Variants in PRKCH observed in about 807,000 individuals in gnomAD.
PRKCH encodes the protein protein kinase C eta type.
PRKCH carries 28 observed loss-of-function variants against 82.5 expected under a neutral mutation model. The ratio of observed to expected loss-of-function variants is 0.34; its 90% CI spans 0.25 to 0.47. The LOEUF (loss-of-function observed/expected upper bound fraction) is 0.47. Ranked by LOEUF, PRKCH falls within the 20% of genes least tolerant of loss-of-function variation. PRKCH has a pLI of 1.00. For synonymous variants in PRKCH, 322 were observed against 327.4 expected (o/e 0.98, Z 0.18); for missense variants, 705 against 881.8 (o/e 0.80, Z 2.54).
intron 1 of PRKCH, among the ~76,000 whole-genome samples, chr14:61,327,533 G>T (rs540621397): frequency 5.4e-4 from 82 of 152,310 alleles, no homozygotes; most frequent in African/African-American, 1.8e-3. Flanking sequence ...GAAGAATTTT[G>T]CTACAGTGGG....
intron 2 of PRKCH, among the ~76,000 whole-genome samples, chr14:61,419,308 A>G (rs537662255): frequency 6.6e-6 from 1 of 152,318 alleles, no homozygotes; most frequent in Non-Finnish European, 1.5e-5. Flanking sequence ...AAGCAACAAA[A>G]TTCTTTCTTT....
chr14:61,266,787 A>T lies in PRKCH; in HGVS notation c.-19+79119A>T, dbSNP rs865774465. ...ATTTTATGCTAATAGAGGCCCTAAA[A>T]CTGATATAAGAATCTGTGTATGCTA... On this transcript the variant is annotated intron_variant, in intron 1 of 3. Coordinates refer to the PRKCH transcript ENST00000555185. Among the ~76,000 whole-genome samples the T allele has an allele frequency of 5.9e-5, 9 of 152,322 alleles. No homozygotes were observed. The Middle Eastern group carries it at 0.024, about 403-fold the overall frequency.
upstream of PRKCH, among the ~76,000 whole-genome samples, chr14:61,320,412 C>T (rs1338124324): frequency 6.6e-6 from 1 of 152,066 alleles, no homozygotes; most frequent in Non-Finnish European, 1.5e-5. Flanking sequence ...CCAGCCTGAC[C>T]AACATGGAGA....
At chr14:61,254,362 C>T (rs2044978106) in intron 1 of PRKCH, among the ~76,000 whole-genome samples, 2 of 152,140 alleles carry the variant, frequency 1.3e-5, no homozygotes, top group African/African-American at 4.8e-5. Flanking sequence ...CTTGTAATCT[C>T]AGCACTTTGG....
chr14:61,393,521 G>T (rs770504504), intron 2 of PRKCH, among the ~76,000 whole-genome samples: 2 of 152,148 alleles, frequency 1.3e-5, no homozygotes, highest in Non-Finnish European at 2.9e-5. Context: ...TGTCACTCAA[G>T]CTTCTAACTC....
At chr14:61,273,682 C>T (rs1006704900) in intron 1 of PRKCH, among the ~76,000 whole-genome samples, 4 of 152,190 alleles carry the variant, frequency 2.6e-5, no homozygotes, top group South Asian at 2.1e-4. Flanking sequence ...AGATGGGATA[C>T]GCTGAGCATT....
chr14:61,231,094 C>T (rs879507648), intron 1 of PRKCH, among the ~76,000 whole-genome samples: 5 of 152,158 alleles, frequency 3.3e-5, no homozygotes, highest in African/African-American at 9.7e-5. Context: ...GTTAAGAAAG[C>T]ACAGACTCTG....
intron 1 of PRKCH, among the ~76,000 whole-genome samples, chr14:61,297,568 C>G (rs976335034): frequency 2.0e-5 from 3 of 152,218 alleles, no homozygotes; most frequent in African/African-American, 7.2e-5. Context: ...GGAGGAGATG[C>G]TTTCAGGATG....
chr14:61,340,050 C>A lies in PRKCH; in HGVS notation c.363+17586C>A, dbSNP rs558089934. Among the ~76,000 whole-genome samples the A allele has an allele frequency of 2.6e-5, 4 of 152,120 alleles. No individual in the cohort carries two copies. In the South Asian group the frequency reaches 8.3e-4, roughly 32 times the overall value. The stretch of plus-strand genomic sequence containing the variant: ...CTCAGCCTTTCAGTCCTCTGTTGGC[C>A]TTGCCCACTATCCTTTTGAGGTGGG... On this transcript the variant is annotated intron_variant, in intron 1 of 13. Transcript: ENST00000332981.
rs542389499 is a variant in PRKCH at position 61,307,751 on chromosome 14, G to A, written c.-19+120083G>A. On this transcript the variant is annotated intron_variant, in intron 1 of 3. Coordinates refer to the PRKCH transcript ENST00000555185. ...TTATTTTCATCTCAAAGTAATGATG[G>A]CCATATTTCTGTGTGATTATAACAA... Among the ~76,000 whole-genome samples, 6 of 152,220 alleles carry A rather than the reference G, an allele frequency of 3.9e-5. No individual in the cohort carries two copies. The South Asian group carries it at 1.2e-3, about 32-fold the overall frequency.
At chr14:61,264,576 C>G (rs2045079979) in intron 1 of PRKCH, among the ~76,000 whole-genome samples, 1 of 152,178 alleles carries the variant, frequency 6.6e-6, no homozygotes, top group African/African-American at 2.4e-5. Flanking sequence ...AATCCTAATT[C>G]AACTCTCTCT....
At chr14:61,503,836 A>G (rs558776557) in intron 10 of PRKCH, among the ~76,000 whole-genome samples, 7 of 152,156 alleles carry the variant, frequency 4.6e-5, no homozygotes, top group Non-Finnish European at 7.3e-5. Context: ...GAGTATTTTC[A>G]CAGTATCTCA....
At chr14:61,429,186 C>T (rs1324053981) in intron 2 of PRKCH, among the ~76,000 whole-genome samples, 1 of 152,210 alleles carries the variant, frequency 6.6e-6, no homozygotes, top group Non-Finnish European at 1.5e-5. Flanking sequence ...AAACTGGCTC[C>T]TACCCTCTTC....
At chr14:61,413,045 GA>G (rs913164216) in intron 2 of PRKCH, among the ~76,000 whole-genome samples, 3 of 149,718 alleles carry the variant, frequency 2.0e-5, no homozygotes, top group Admixed American at 6.6e-5. Flanking sequence ...GATTTAAACA[GA>G]AAAAAAAAAT....
chr14:61,403,028 TC>T (rs1881731666), intron 2 of PRKCH, among the ~76,000 whole-genome samples: 1 of 152,024 alleles, frequency 6.6e-6, no homozygotes, highest in Admixed American at 6.5e-5. Context: ...CCCTCCCGCC[TC>T]CCCACTAGCT....
intron 4 of PRKCH, among the ~76,000 whole-genome samples, chr14:61,446,738 G>A (rs888242248): frequency 1.4e-4 from 21 of 152,310 alleles, no homozygotes; most frequent in Non-Finnish European, 2.6e-4. Flanking sequence ...AGCCAGAATC[G>A]CTGTCACTTT....
intron 1 of PRKCH, among the ~76,000 whole-genome samples, chr14:61,238,959 T>C (rs1259269269): frequency 1.3e-5 from 2 of 152,228 alleles, no homozygotes; most frequent in African/African-American, 2.4e-5. Flanking sequence ...CCAGTCATTA[T>C]AAAGCTGGTC....
At chr14:61,457,703 C>T (rs758001818) in intron 9 of PRKCH, 24 bp downstream of exon 9, 2 of 1,609,506 alleles carry the variant, frequency 1.2e-6, no homozygotes, top group Non-Finnish European at 8.5e-7. Context: ...ACATTCACTG[C>T]ACCAACAGCC....
intron 1 of PRKCH, among the ~76,000 whole-genome samples, chr14:61,283,842 A>G (rs1166020451): frequency 6.6e-6 from 1 of 152,176 alleles, no homozygotes; most frequent in Non-Finnish European, 1.5e-5. Context: ...AAAAAATAAA[A>G]ATAAAATAAA....
Sources: allele counts gnomAD v4.1 joint callset (sites outside exome capture counted in the v4.1 genomes callset), GRCh38; gene constraint gnomAD v4.1.1; transcripts MANE v1.5; gene names NCBI Gene and HGNC (gene_info 2026-07-23, HGNC 2026-07-21).